Variants in SARDH observed in about 807,000 individuals in gnomAD.
SARDH encodes sarcosine dehydrogenase.
SARDH carries 95 observed loss-of-function variants against 109.1 expected under a neutral mutation model. That is an observed-to-expected ratio of 0.87 (90% CI 0.74 to 1.03). The LOEUF (loss-of-function observed/expected upper bound fraction) is 1.03, where lower values mean the gene tolerates loss of function less well. Among genes scored for constraint, SARDH ranks in the 50% least tolerant of loss-of-function variants. The pLI is 0.00. For synonymous variants in SARDH, 572 were observed against 534.8 expected (o/e 1.07, Z -0.96); for missense variants, 1,267 against 1,287.8 (o/e 0.98, Z 0.25).
intron 20 of SARDH, among the ~76,000 whole-genome samples, chr9:133,665,941 G>C (rs1830050274): frequency 6.6e-6 from 1 of 152,236 alleles, no homozygotes; most frequent in South Asian, 2.1e-4. Context: ...CCCATGGAGA[G>C]ACACGACCCT....
At chr9:133,724,268 A>G (rs549319147) in intron 6 of SARDH, among the ~76,000 whole-genome samples, 20 of 152,370 alleles carry the variant, frequency 1.3e-4, no homozygotes, top group African/African-American at 4.8e-4. Flanking sequence ...CATATATGTA[A>G]CAAAGGACCT....
rs1334168722 is a variant in SARDH at position 133,692,466 on chromosome 9, T to C, written c.1921+1792A>G. Among the ~76,000 whole-genome samples the C allele has an allele frequency of 6.6e-6, 1 of 152,116 alleles. No homozygotes were observed. Among genetic ancestry groups the C allele is most frequent in the African/African-American group, 2.4e-5 (1 of 41,388 alleles). Reference sequence around the variant, plus strand: ...ACGACCAGCGATGGGCAGGTCACACTGGTTCTCACCTCTACACCCTTGTAG... The same window carrying C: ...ACGACCAGCGATGGGCAGGTCACACCGGTTCTCACCTCTACACCCTTGTAG... On this transcript the variant is annotated intron_variant, in intron 15 of 20. Transcript: ENST00000439388. The surrounding 1 kb of genome is among the most constrained non-coding windows in gnomAD (Gnocchi z 5.0).
chr9:133,701,204 G>A (rs1311469222), intron 13 of SARDH, among the ~76,000 whole-genome samples: 1 of 152,240 alleles, frequency 6.6e-6, no homozygotes, highest in African/African-American at 2.4e-5. Flanking sequence ...AATCAGCCAT[G>A]GAGAAAGCAT....
At chr9:133,683,857 A>G (rs1042695205) in intron 17 of SARDH, among the ~76,000 whole-genome samples, 1 of 152,204 alleles carries the variant, frequency 6.6e-6, no homozygotes, top group Non-Finnish European at 1.5e-5. Flanking sequence ...TACAGGAAGG[A>G]GAGACAGGGA....
intron 11 of SARDH, 88 bp downstream of exon 11, chr9:133,708,199 G>T: frequency 6.8e-7 from 1 of 1,477,858 alleles, no homozygotes. Flanking sequence ...TGCGGTTGGG[G>T]TACACCTTGC....
intron 1 of SARDH, among the ~76,000 whole-genome samples, chr9:133,736,787 A>C (rs1027336106): frequency 6.6e-6 from 1 of 152,218 alleles, no homozygotes; most frequent in African/African-American, 2.4e-5. Flanking sequence ...GTGGACCTCC[A>C]CTGCCCTTTT....
chr9:133,705,548 C>T, intron 11 of SARDH, among the ~76,000 whole-genome samples: 1 of 38,800 alleles, frequency 2.6e-5, no homozygotes, highest in East Asian at 3.5e-3. Context: ...CATCTGCCCT[C>T]ACCCTGAGAA....
At chr9:133,677,522 G>C (rs1005226977) in intron 17 of SARDH, among the ~76,000 whole-genome samples, 1 of 152,146 alleles carries the variant, frequency 6.6e-6, no homozygotes, top group Admixed American at 6.5e-5. Flanking sequence ...AGGTGCTTTG[G>C]AATCAAACCC....
At chr9:133,719,161 C>A in intron 6 of SARDH, 119 bp from the exon 7 acceptor site, 2 of 763,118 alleles carry the variant, frequency 2.6e-6, no homozygotes, top group East Asian at 2.6e-5. Context: ...TGGTCCTTCT[C>A]GTTGTAGGAC....
In SARDH at chr9:133,708,398, G is replaced by A; in HGVS notation, c.1359C>T (p.Pro453=). The A allele has an allele frequency of 6.2e-7, 1 of 1,612,260 alleles. No homozygotes were observed. The highest frequency in any genetic ancestry group is 8.5e-7 in the Non-Finnish European group (1 of 1,179,502). Residue 453 remains proline, a synonymous_variant, in exon 11 of 21, where the codon CCC becomes CCT. Transcript: ENST00000439388. ...RRFHHSLTDH[P]RWIRERSHES... ...CATGGCTTCGCTCTCGGATCCAGCG[G>A]GGGTGGTCCGTGAGCGAGTGATGGA...
chr9:133,664,532 C>G (rs1351459188), intron 20 of SARDH, among the ~76,000 whole-genome samples: 1 of 152,168 alleles, frequency 6.6e-6, no homozygotes, highest in Non-Finnish European at 1.5e-5. Flanking sequence ...TGCTCTTAGG[C>G]AGGAGGAGGG....
rs772726933 is a variant in SARDH at position 133,727,492 on chromosome 9, C to A, written c.915+2273G>T. On this transcript the variant is annotated intron_variant, in intron 6 of 20. Coordinates refer to ENST00000439388, the MANE Select transcript of SARDH (RefSeq NM_001134707.2). ...GGGCCCCCTGGCTTGTTCTGTGGCCCATCCAAGGGTCAGACCACAGCAGGT... is the reference window on the plus strand; with the variant it reads ...GGGCCCCCTGGCTTGTTCTGTGGCCAATCCAAGGGTCAGACCACAGCAGGT... Among the ~76,000 whole-genome samples the A allele has an allele frequency of 2.7e-4, 41 of 152,244 alleles. 1 individual carries two copies. The highest frequency in any genetic ancestry group is 2.8e-4 in the Non-Finnish European group (19 of 68,030).
rs189075839 is a variant in SARDH at position 133,674,242 on chromosome 9, G to A, written c.2164-2545C>T. On this transcript the variant is annotated intron_variant, in intron 17 of 20. Coordinates refer to ENST00000439388, the MANE Select transcript of SARDH (RefSeq NM_001134707.2). ...AACAAACACGGGCTCCCAGTCAGCC[G>A]GGCTTGGGTGGGAACAGCGTCTCCC... Among the ~76,000 whole-genome samples, 53 of 152,354 alleles carry A rather than the reference G, an allele frequency of 3.5e-4. 1 individual carries two copies. The Middle Eastern group carries it at 0.01, about 29-fold the overall frequency.
At chr9:133,675,392 C>T (rs558265562) in intron 17 of SARDH, among the ~76,000 whole-genome samples, 3 of 151,782 alleles carry the variant, frequency 2.0e-5, no homozygotes, top group African/African-American at 7.3e-5. Flanking sequence ...CGACAATTCT[C>T]AAAAGCAAAT....
intron 12 of SARDH, 56 bp from the exon 13 acceptor site, chr9:133,703,085 TCCCCAGAGCG>T: frequency 6.8e-7 from 1 of 1,469,878 alleles, no homozygotes; most frequent in Non-Finnish European, 9.3e-7. Context: ...CCCGCTTCCC[TCCCCAGAGCG>T]GGGTCCCGCT....
intron 14 of SARDH, 72 bp from the exon 15 acceptor site, chr9:133,694,443 G>C: frequency 1.6e-6 from 2 of 1,277,600 alleles, no homozygotes; most frequent in Non-Finnish European, 2.2e-6. Context: ...AGTTTCCCCA[G>C]GGCCGCTCAC....
At chr9:133,717,241 G>A (rs1450793329) in intron 8 of SARDH, 85 bp downstream of exon 8, 2 of 1,529,726 alleles carry the variant, frequency 1.3e-6, no homozygotes, top group Admixed American at 1.8e-5. Flanking sequence ...TGTGACACAG[G>A]CTGGTCTCAC....
chr9:133,702,978 A>G lies in SARDH; in HGVS notation c.1606T>C (p.Tyr536His). 6.2e-7 allele frequency: 1 copy of G among 1,613,534 alleles called. No individual in the cohort carries two copies. The highest frequency in any genetic ancestry group is 8.5e-7 in the Non-Finnish European group (1 of 1,179,982). Residue 536 changes from tyrosine (Y) to histidine (H), a missense_variant, in exon 13 of 21, where the codon TAC becomes CAC. Physicochemically the swap from Tyr to His is moderately conservative, Grantham distance 83 (BLOSUM62 2). Coordinates refer to ENST00000439388, the MANE Select transcript of SARDH (RefSeq NM_001134707.2). ...TCTGCCAGCAGCCTGCGGTAGGCGT[A>G]GTCCTCGTGCGCGCGGCTCCCGTAA... The part of the protein sequence containing the change: ...GAYGSRAHED[Y>H]AYRRLLADEY...
chr9:133,734,078 A>AGCTGCGCTGGACAGGTTGCAT lies in SARDH; in HGVS notation c.75_95dup (p.Cys26_Ala32dup). ...GCACACTCTTCTCGGCTGTGGGGCC[A>AGCTGCGCTGGACAGGTTGCAT]GCTGCGCTGGACAGGTTGCATGGCC... is the stretch of plus-strand genomic sequence containing the variant. On this transcript the variant is annotated inframe_insertion, in exon 2 of 21. Coordinates refer to ENST00000439388, the MANE Select transcript of SARDH (RefSeq NM_001134707.2). 1 of 1,613,134 alleles carries AGCTGCGCTGGACAGGTTGCAT rather than the reference A, an allele frequency of 6.2e-7. No homozygotes were observed. Among genetic ancestry groups the AGCTGCGCTGGACAGGTTGCAT allele is most frequent in the Non-Finnish European group, 8.5e-7 (1 of 1,179,920 alleles).
Sources: gnomAD v4.1 joint callset for allele counts (sites outside exome capture counted in the v4.1 genomes callset) on GRCh38, gnomAD v4.1.1 for gene constraint, Gnocchi (gnomAD v3.1) non-coding constraint, MANE v1.5 for transcripts, NCBI Gene and HGNC (gene_info 2026-07-23, HGNC 2026-07-21) for gene names.